Variants in VAT1L observed in about 807,000 individuals in gnomAD.
VAT1L encodes the protein vesicle amine transport 1 like, also known as putative NADPH-dependent quinone oxidoreductase VAT1L.
VAT1L carries 34 observed loss-of-function variants against 44.1 expected under a neutral mutation model. The observed-to-expected ratio is 0.77, with a 90% CI of 0.59 to 1.03. The LOEUF (loss-of-function observed/expected upper bound fraction) is 1.03. VAT1L is among the 50% of genes least tolerant of loss of function. The pLI, the probability that VAT1L is intolerant of heterozygous loss-of-function variation, is 0.00. For missense variants in VAT1L, 615 were observed against 538.8 expected, an observed-to-expected ratio of 1.14 and a Z score of -1.40; for synonymous variants, 253 against 202.2, an observed-to-expected ratio of 1.25 and a Z score of -2.13.
chr16:77,883,024 C>G (rs2017170951), intron 6 of VAT1L, among the ~76,000 whole-genome samples: 1 of 152,126 alleles, frequency 6.6e-6, no homozygotes, highest in South Asian at 2.1e-4. Flanking sequence ...GTATATGAAC[C>G]TCATCATTGT....
At chr16:77,891,798 C>A (rs1192154945) in intron 7 of VAT1L, among the ~76,000 whole-genome samples, 2 of 152,092 alleles carry the variant, frequency 1.3e-5, no homozygotes, top group East Asian at 3.9e-4. Flanking sequence ...TTAGGCCGGG[C>A]GCGGTGGCTC....
In VAT1L at chr16:77,859,344, T is replaced by A. The variant is rs542303052; in HGVS notation, c.580-3404T>A. ...AAAGGTCATTCTGAGAATGCCAGGG[T>A]TGAGGGCTGCACAATGCCATGCTCA... On this transcript the variant is annotated intron_variant, in intron 3 of 8. Coordinates refer to ENST00000302536, the MANE Select transcript of VAT1L (RefSeq NM_020927.3). Among the ~76,000 whole-genome samples the A allele has an allele frequency of 6.6e-5, 10 of 152,000 alleles. No homozygotes were observed. In the East Asian group the frequency reaches 1.9e-3, roughly 30 times the overall value.
Position 77,972,196 on chromosome 16 carries a change from G to C in VAT1L, c.1161+263G>C, listed in dbSNP as rs73568683. Among the ~76,000 whole-genome samples, 686 of 152,270 alleles carry C rather than the reference G, an allele frequency of 4.5e-3. 2 individuals are homozygous for C. Among genetic ancestry groups the C allele is most frequent in the African/African-American group, 0.016 (649 of 41,538 alleles). On this transcript the variant is annotated intron_variant, in intron 8 of 8. Coordinates refer to ENST00000302536, the MANE Select transcript of VAT1L (RefSeq NM_020927.3). ...AGGAAAGCATAGCAACAACAGACCTGTCTATTACAGCTGCTAGCTCTTGGG... is the reference window on the plus strand; with the variant it reads ...AGGAAAGCATAGCAACAACAGACCTCTCTATTACAGCTGCTAGCTCTTGGG...
At chr16:77,843,926 G>A (rs1420516929) in intron 3 of VAT1L, among the ~76,000 whole-genome samples, 1 of 152,200 alleles carries the variant, frequency 6.6e-6, no homozygotes, top group African/African-American at 2.4e-5. Flanking sequence ...GAGAGCAGGA[G>A]ACAGGTGGTG....
intron 3 of VAT1L, among the ~76,000 whole-genome samples, chr16:77,833,913 C>T (rs930959459): frequency 6.6e-6 from 1 of 152,126 alleles, no homozygotes; most frequent in Non-Finnish European, 1.5e-5. Context: ...GCGTTTCTTA[C>T]ATCACCTAAC....
intron 6 of VAT1L, among the ~76,000 whole-genome samples, chr16:77,883,947 A>T (rs549859271): frequency 6.6e-6 from 1 of 152,194 alleles, no homozygotes; most frequent in Admixed American, 6.5e-5. Flanking sequence ...CACCACCACC[A>T]TTCACTGAGC....
intron 1 of VAT1L, among the ~76,000 whole-genome samples, chr16:77,811,607 A>G (rs552142071): frequency 1.8e-4 from 28 of 152,062 alleles, no homozygotes; most frequent in Non-Finnish European, 2.8e-4. Context: ...GCTTGGTCTC[A>G]CCTCCCTTTT....
chr16:77,802,840 A>G (rs2016088312), intron 1 of VAT1L, among the ~76,000 whole-genome samples: 1 of 151,932 alleles, frequency 6.6e-6, no homozygotes, highest in African/African-American at 2.4e-5. Flanking sequence ...TTCACCCTTC[A>G]TATCTAGTCT....
intron 1 of VAT1L, among the ~76,000 whole-genome samples, chr16:77,802,693 C>T (rs979444509): frequency 3.3e-5 from 5 of 151,294 alleles, no homozygotes; most frequent in South Asian, 2.1e-4. Context: ...ATTCATGGCA[C>T]GGACAAAACT....
chr16:77,802,618 ACACAC>A (rs2016081234), intron 1 of VAT1L, among the ~76,000 whole-genome samples: 1 of 10,602 alleles, frequency 9.4e-5, no homozygotes, highest in Non-Finnish European at 1.6e-4. Context: ...CATCTCAAAC[ACACAC>A]ACACACACAC....
intron 1 of VAT1L, among the ~76,000 whole-genome samples, chr16:77,792,151 G>A (rs1489737152): frequency 2.6e-5 from 4 of 152,192 alleles, no homozygotes; most frequent in Admixed American, 6.5e-5. Flanking sequence ...ACACTGCCGC[G>A]TTGTCAGCAT....
At chr16:77,894,533 C>G (rs1469686612) in intron 7 of VAT1L, among the ~76,000 whole-genome samples, 2 of 152,058 alleles carry the variant, frequency 1.3e-5, no homozygotes. Context: ...AAAGCCAATT[C>G]GTGGTTGCCT....
At chr16:77,789,326 T>G (rs547632222) in intron 1 of VAT1L, among the ~76,000 whole-genome samples, 3 of 152,270 alleles carry the variant, frequency 2.0e-5, no homozygotes, top group South Asian at 2.1e-4. Flanking sequence ...GTTTTACACG[T>G]GCGATCTTAT....
At chr16:77,878,229 C>T (rs544693837) in intron 5 of VAT1L, among the ~76,000 whole-genome samples, 3 of 152,292 alleles carry the variant, frequency 2.0e-5, no homozygotes, top group Non-Finnish European at 4.4e-5. Flanking sequence ...TAATTGCAGT[C>T]TTCGGCATTA....
intron 4 of VAT1L, among the ~76,000 whole-genome samples, chr16:77,873,086 G>C (rs1303316169): frequency 7.2e-5 from 11 of 152,194 alleles, no homozygotes; most frequent in Non-Finnish European, 1.0e-4. Context: ...GGATTTTTCA[G>C]AGACTAAATT....
At chr16:77,948,372 C>T (rs1162079687) in intron 7 of VAT1L, among the ~76,000 whole-genome samples, 2 of 152,166 alleles carry the variant, frequency 1.3e-5, no homozygotes, top group Non-Finnish European at 2.9e-5. Flanking sequence ...TCTCTAACAC[C>T]TAACTCCTAG....
intron 7 of VAT1L, among the ~76,000 whole-genome samples, chr16:77,922,418 G>A (rs776660922): frequency 5.3e-5 from 8 of 152,196 alleles, no homozygotes; most frequent in Non-Finnish European, 1.0e-4. Flanking sequence ...CTAAGCCACT[G>A]TTAGAAATGT....
chr16:77,964,340 G>A (rs1417139153), intron 7 of VAT1L, among the ~76,000 whole-genome samples: 1 of 152,150 alleles, frequency 6.6e-6, no homozygotes, highest in Non-Finnish European at 1.5e-5. Flanking sequence ...GCAGGGCTGC[G>A]TTCCTCGTGG....
chr16:77,826,167 A>T lies in VAT1L; in HGVS notation c.579+706A>T, dbSNP rs1259178884. 1.1e-4 allele frequency among the ~76,000 whole-genome samples: 17 copies of T among 149,810 alleles called. 1 individual carries two copies. The highest frequency in any genetic ancestry group is 1.1e-3 in the Admixed American group (17 of 15,082). ...GCTTGCAGTGAGCCGAGATCCCGCC[A>T]CTGCACTCCAGCCTGGGCGACAGAG... is the stretch of plus-strand genomic sequence containing the variant. On this transcript the variant is annotated intron_variant, in intron 3 of 8. Coordinates refer to ENST00000302536, the MANE Select transcript of VAT1L (RefSeq NM_020927.3).
Sources: gnomAD v4.1 joint callset for allele counts (sites outside exome capture counted in the v4.1 genomes callset) on GRCh38, gnomAD v4.1.1 for gene constraint, MANE v1.5 for transcripts, NCBI Gene and HGNC (gene_info 2026-07-23, HGNC 2026-07-21) for gene names.